OPCML: variants seen among roughly 807,000 people sequenced by gnomAD.
OPCML encodes the protein opioid binding protein/cell adhesion molecule like.
A neutral mutation model predicts 37.8 loss-of-function variants in OPCML; 13 were observed. The observed-to-expected ratio is 0.34, with a 90% CI of 0.22 to 0.55. The LOEUF is 0.55. OPCML is among the 20% of genes least tolerant of loss of function. The pLI is 0.91. For synonymous variants in OPCML, 176 were observed against 168.8 expected, an observed-to-expected ratio of 1.04 and a Z score of -0.33; for missense variants, 341 against 435.6, an observed-to-expected ratio of 0.78 and a Z score of 1.93.
intron 1 of OPCML, among the ~76,000 whole-genome samples, chr11:133,384,584 A>G (rs12275166): frequency 0.74 from 112,046 of 152,144 alleles, 41,478 homozygotes; most frequent in East Asian, 0.88. Flanking sequence ...TTTTATTATC[A>G]TCTCAGTCTA....
chr11:132,980,570 C>A (rs189539407), intron 1 of OPCML, among the ~76,000 whole-genome samples: 1 of 152,268 alleles, frequency 6.6e-6, no homozygotes, highest in East Asian at 1.9e-4. Flanking sequence ...GAAGTGTTAG[C>A]AAGGAATGCA....
chr11:132,598,163 G>C (rs889637390), intron 3 of OPCML, among the ~76,000 whole-genome samples: 1 of 152,072 alleles, frequency 6.6e-6, no homozygotes, highest in Admixed American at 6.6e-5. Flanking sequence ...ACGCAACCCA[G>C]TCTTTGCTCA....
At chr11:133,408,044 T>A (rs74602035) in intron 1 of OPCML, among the ~76,000 whole-genome samples, 10,641 of 152,232 alleles carry the variant, frequency 0.07, 1,068 homozygotes, top group African/African-American at 0.22. Context: ...CATCAATAGG[T>A]TCTTGAAAGC....
At chr11:132,929,566 G>A (rs979136182) in intron 2 of OPCML, among the ~76,000 whole-genome samples, 3 of 152,034 alleles carry the variant, frequency 2.0e-5, no homozygotes, top group African/African-American at 4.8e-5. Context: ...ATATTATTTC[G>A]ATAACAAAAT....
At chr11:132,479,322 T>C (rs535020621) in intron 4 of OPCML, among the ~76,000 whole-genome samples, 1 of 152,254 alleles carries the variant, frequency 6.6e-6, no homozygotes, top group East Asian at 1.9e-4. Flanking sequence ...CCGACGGGCT[T>C]AAAAAACGGA....
chr11:132,591,135 C>T lies in OPCML; in HGVS notation c.380-61949G>A, dbSNP rs138049588. On this transcript the variant is annotated intron_variant, in intron 3 of 7. Transcript: ENST00000524381. ...TCTCTCTCCTTCTGTTAGTTATCCCCGGCCTGAGGCTGTATAATCTCCTGC... is the reference window on the plus strand; with the variant it reads ...TCTCTCTCCTTCTGTTAGTTATCCCTGGCCTGAGGCTGTATAATCTCCTGC... Among the ~76,000 whole-genome samples the T allele has an allele frequency of 1.6e-3, 244 of 152,270 alleles. 1 individual carries two copies. The highest frequency in any genetic ancestry group is 5.5e-3 in the African/African-American group (228 of 41,556).
intron 2 of OPCML, among the ~76,000 whole-genome samples, chr11:132,937,595 G>GGTGTGTGT (rs58674976): frequency 3.4e-5 from 3 of 88,732 alleles, no homozygotes; most frequent in South Asian, 3.6e-4. Flanking sequence ...GCGTGTGTGG[G>GGTGTGTGT]GTGTGTGTGT....
chr11:133,026,721 G>C (rs1177193334), intron 1 of OPCML, among the ~76,000 whole-genome samples: 1 of 152,084 alleles, frequency 6.6e-6, no homozygotes, highest in Non-Finnish European at 1.5e-5. Flanking sequence ...TGCAACAGTT[G>C]CCTGCAATCA....
intron 2 of OPCML, among the ~76,000 whole-genome samples, chr11:132,928,177 A>C (rs1366162506): frequency 6.6e-6 from 1 of 152,084 alleles, no homozygotes; most frequent in Non-Finnish European, 1.5e-5. Context: ...CAATCTAAAA[A>C]CACAGATTGG....
chr11:133,354,323 G>GAT, intron 1 of OPCML, among the ~76,000 whole-genome samples: 1 of 77,450 alleles, frequency 1.3e-5, no homozygotes, highest in South Asian at 4.6e-4. Context: ...TAGTGGTGGT[G>GAT]GTGGTGATGA....
chr11:133,007,040 A>G (rs956210003), intron 1 of OPCML: 1 of 985,360 alleles, frequency 1.0e-6, no homozygotes, highest in African/African-American at 1.7e-5. Context: ...GAAAGGCATG[A>G]GAAAAAAATC....
At chr11:132,973,068 T>C (rs1043560248) in intron 1 of OPCML, among the ~76,000 whole-genome samples, 7 of 151,530 alleles carry the variant, frequency 4.6e-5, no homozygotes, top group African/African-American at 1.7e-4. Flanking sequence ...TTTTGTGTTG[T>C]TTGTTTGTTT....
rs1940042550 is a variant in OPCML, at chr11:133,226,432, G to A, written c.62-283422C>T. Among the ~76,000 whole-genome samples, 4 of 152,206 alleles carry A rather than the reference G, an allele frequency of 2.6e-5. No homozygotes were observed. The South Asian group carries it at 8.3e-4, about 32-fold the overall frequency. ...AATGCTGATGGTTGTGATCCAAAGA[G>A]CCTACTATGACAAACTCCTCCCAAC... On this transcript the variant is annotated intron_variant, in intron 1 of 7. Transcript: ENST00000524381.
At chr11:132,836,681 C>A (rs1458137315) in intron 2 of OPCML, among the ~76,000 whole-genome samples, 1 of 152,094 alleles carries the variant, frequency 6.6e-6, no homozygotes, top group Non-Finnish European at 1.5e-5. Flanking sequence ...ATACAGACAT[C>A]AAAGGACAGA....
intron 1 of OPCML, among the ~76,000 whole-genome samples, chr11:133,080,120 G>T (rs1948687504): frequency 1.3e-5 from 2 of 152,152 alleles, no homozygotes; most frequent in South Asian, 4.1e-4. Flanking sequence ...CCACAACAGA[G>T]CCAGAACTAC....
chr11:133,439,373 A>C, intron 1 of OPCML: 2 of 985,204 alleles, frequency 2.0e-6, no homozygotes, highest in Non-Finnish European at 2.4e-6. Context: ...CCACACCTAG[A>C]TGAGTTTATA....
chr11:132,425,794 G>A (rs1466768174), intron 7 of OPCML, among the ~76,000 whole-genome samples: 2 of 152,198 alleles, frequency 1.3e-5, no homozygotes, highest in African/African-American at 4.8e-5. Flanking sequence ...GCTAACCACA[G>A]GTAAAATCTT....
Position 132,515,442 on chromosome 11 carries a change from A to G in OPCML, c.505+13619T>C, listed in dbSNP as rs2096277576. 2.6e-5 allele frequency among the ~76,000 whole-genome samples: 4 copies of G among 152,160 alleles called. No individual in the cohort carries two copies. The South Asian group carries it at 8.3e-4, about 32-fold the overall frequency. On this transcript the variant is annotated intron_variant, in intron 4 of 7. Transcript: ENST00000524381. The stretch of plus-strand genomic sequence containing the variant: ...CTTTAGGTGTTCTGTGGGAGATCAA[A>G]TTCCCTCACCTCCTCACTCAACCCC...
intron 1 of OPCML, among the ~76,000 whole-genome samples, chr11:133,197,330 A>T (rs11820373): frequency 6.6e-6 from 1 of 152,138 alleles, no homozygotes; most frequent in African/African-American, 2.4e-5. Context: ...CCTTTATCTA[A>T]GAAAGGATCA....
Sources: allele counts gnomAD v4.1 joint callset (sites outside exome capture counted in the v4.1 genomes callset), GRCh38; gene constraint gnomAD v4.1.1; transcripts MANE v1.5; gene names NCBI Gene and HGNC (gene_info 2026-07-23, HGNC 2026-07-21).